Variants in MACROD2 observed in about 807,000 individuals in gnomAD.
MACROD2 encodes mono-ADP ribosylhydrolase 2, also known as ADP-ribose glycohydrolase MACROD2.
In MACROD2, 36 loss-of-function variants were observed where a neutral mutation model predicts 70.4. The observed-to-expected ratio is 0.51, with a 90% CI of 0.39 to 0.68. The LOEUF is 0.68. Ranked by LOEUF, MACROD2 falls within the 30% of genes least tolerant of loss-of-function variation. The pLI, the probability that MACROD2 is intolerant of heterozygous loss-of-function variation, is 0.00. For missense variants in MACROD2, 496 were observed against 538.4 expected (o/e 0.92, Z 0.78); for synonymous variants, 172 against 178.8 (o/e 0.96, Z 0.30).
At chr20:14,683,371 A>T (rs1201812839) in intron 4 of MACROD2, among the ~76,000 whole-genome samples, 1 of 152,176 alleles carries the variant, frequency 6.6e-6, no homozygotes, top group Non-Finnish European at 1.5e-5. Flanking sequence ...ACCATTATTG[A>T]CAAGGACTTG....
At chr20:15,310,451 C>T (rs1277285398) in intron 6 of MACROD2, among the ~76,000 whole-genome samples, 1 of 152,048 alleles carries the variant, frequency 6.6e-6, no homozygotes, top group African/African-American at 2.4e-5. Flanking sequence ...ATTCCATTTC[C>T]CTGAGAGCTG....
intron 8 of MACROD2, among the ~76,000 whole-genome samples, chr20:15,757,287 T>A (rs964794083): frequency 2.0e-5 from 3 of 152,170 alleles, no homozygotes; most frequent in Admixed American, 6.5e-5. Context: ...TATTTTTCAA[T>A]AGAAGGAGAG....
chr20:14,626,754 G>GA lies in MACROD2; in HGVS notation c.302-58082dup, dbSNP rs199659686. 2.5e-3 allele frequency among the ~76,000 whole-genome samples: 379 copies of GA among 152,120 alleles called. 3 individuals carry two copies. Among genetic ancestry groups the GA allele is most frequent in the African/African-American group, 8.7e-3 (360 of 41,496 alleles). On this transcript the variant is annotated intron_variant, in intron 4 of 17. Transcript: ENST00000684519. ...GCCATTGTCGCACAATGGGAGAAAG[G>GA]AAAAAAATATTTTTGGCACCCAGCT...
intron 5 of MACROD2, among the ~76,000 whole-genome samples, chr20:15,056,561 C>T (rs538607182): frequency 1.3e-5 from 2 of 152,190 alleles, no homozygotes; most frequent in South Asian, 2.1e-4. Context: ...GTTTCTTTCC[C>T]CTTCCACTCA....
At chr20:15,242,630 T>C (rs2077069445) in intron 6 of MACROD2, among the ~76,000 whole-genome samples, 1 of 152,220 alleles carries the variant, frequency 6.6e-6, no homozygotes, top group Non-Finnish European at 1.5e-5. Context: ...TAATAATTTT[T>C]AAGCTATCGT....
intron 5 of MACROD2, among the ~76,000 whole-genome samples, chr20:15,087,498 T>G (rs1377198779): frequency 6.6e-6 from 1 of 152,028 alleles, no homozygotes; most frequent in East Asian, 1.9e-4. Flanking sequence ...TAAATGGAGC[T>G]GACAGAATAA....
At chr20:14,275,467 T>C (rs1373539167) in intron 3 of MACROD2, among the ~76,000 whole-genome samples, 5 of 151,712 alleles carry the variant, frequency 3.3e-5, no homozygotes, top group Middle Eastern at 3.2e-3. Flanking sequence ...TTACACCTTA[T>C]ACAAAAATTA....
intron 4 of MACROD2, among the ~76,000 whole-genome samples, chr20:14,631,135 A>G (rs1276474720): frequency 6.6e-6 from 1 of 152,188 alleles, no homozygotes; most frequent in Non-Finnish European, 1.5e-5. Flanking sequence ...CACTAGGCCC[A>G]ACAGACCAGA....
chr20:14,095,589 C>G (rs989026763), intron 3 of MACROD2, among the ~76,000 whole-genome samples: 3 of 152,104 alleles, frequency 2.0e-5, no homozygotes, highest in Non-Finnish European at 2.9e-5. Flanking sequence ...TTCTTTCACA[C>G]AGAAGCTATG....
intron 6 of MACROD2, among the ~76,000 whole-genome samples, chr20:15,241,098 A>G (rs1017683410): frequency 2.0e-5 from 3 of 152,218 alleles, no homozygotes; most frequent in Non-Finnish European, 4.4e-5. Flanking sequence ...TAACAAAGCA[A>G]ACTTAAATGT....
At position 15,240,056 on chromosome 20, in the gene MACROD2, T is replaced by G. The variant is rs1457216574; in HGVS notation, c.540+9995T>G. 2.0e-5 allele frequency among the ~76,000 whole-genome samples: 3 copies of G among 152,126 alleles called. No homozygotes were observed. The East Asian group carries it at 5.8e-4, about 29-fold the overall frequency. On this transcript the variant is annotated intron_variant, in intron 6 of 17. Transcript: ENST00000684519. Reference sequence around the variant, plus strand: ...TTACCTCCATTTCTGTCAGAGAAGATGTAAGGCCAAATGAGACTATAATGA... The same window carrying G: ...TTACCTCCATTTCTGTCAGAGAAGAGGTAAGGCCAAATGAGACTATAATGA...
At chr20:14,897,327 A>G (rs890933925) in intron 5 of MACROD2, among the ~76,000 whole-genome samples, 13 of 152,016 alleles carry the variant, frequency 8.6e-5, no homozygotes, top group South Asian at 2.1e-4. Context: ...TCTGAGATGA[A>G]CTTCATCACT....
intron 5 of MACROD2, among the ~76,000 whole-genome samples, chr20:14,973,225 CT>C (rs1223038135): frequency 0.041 from 3,520 of 85,786 alleles, 39 homozygotes; most frequent in African/African-American, 0.1. Context: ...TGAGTAGTTG[CT>C]TTTTTTTTTT....
At chr20:15,985,162 A>G (rs1374574910) in intron 13 of MACROD2, among the ~76,000 whole-genome samples, 1 of 152,130 alleles carries the variant, frequency 6.6e-6, no homozygotes, top group Non-Finnish European at 1.5e-5. Flanking sequence ...ATTTTTTAAC[A>G]TAGTTCCTAG....
intron 3 of MACROD2, among the ~76,000 whole-genome samples, chr20:14,230,678 T>C (rs868136736): frequency 0.045 from 4,843 of 107,538 alleles, 962 homozygotes; most frequent in African/African-American, 0.19. Context: ...CCTATATATA[T>C]ATATATATAT....
chr20:15,353,158 T>G (rs1401402959), intron 6 of MACROD2, among the ~76,000 whole-genome samples: 1 of 150,388 alleles, frequency 6.6e-6, no homozygotes, highest in Non-Finnish European at 1.5e-5. Context: ...AACAGAGATA[T>G]AGATCAATGG....
chr20:15,236,773 G>A (rs1475017980), intron 6 of MACROD2, among the ~76,000 whole-genome samples: 1 of 152,196 alleles, frequency 6.6e-6, no homozygotes, highest in Non-Finnish European at 1.5e-5. Flanking sequence ...CCATCTGTAG[G>A]TTGGACCTGT....
intron 6 of MACROD2, among the ~76,000 whole-genome samples, chr20:15,331,189 T>G (rs1303633418): frequency 6.6e-6 from 1 of 151,786 alleles, no homozygotes; most frequent in Non-Finnish European, 1.5e-5. Context: ...GTATTTTCAT[T>G]ATTTTACAGA....
intron 5 of MACROD2, among the ~76,000 whole-genome samples, chr20:14,968,799 A>G (rs1039853214): frequency 1.3e-5 from 2 of 152,150 alleles, no homozygotes; most frequent in Non-Finnish European, 2.9e-5. Flanking sequence ...ACCACAAGTA[A>G]AACTTGCTGG....
Sources: allele counts gnomAD v4.1 joint callset (sites outside exome capture counted in the v4.1 genomes callset), GRCh38; gene constraint gnomAD v4.1.1; transcripts MANE v1.5; gene names NCBI Gene and HGNC (gene_info 2026-07-23, HGNC 2026-07-21).